MDFIC2: variants seen among roughly 807,000 people sequenced by gnomAD.
MDFIC2 encodes MyoD family inhibitor domain containing 2.
At chr3:70,202,332 G>A (rs1701247982) in intron 3 of MDFIC2, among the ~76,000 whole-genome samples, 1 of 152,156 alleles carries the variant, frequency 6.6e-6, no homozygotes, top group African/African-American at 2.4e-5. Context: ...GTGACTAGTA[G>A]TCTATCTGAC....
intron 2 of MDFIC2, among the ~76,000 whole-genome samples, chr3:70,240,521 T>G (rs1701657185): frequency 6.6e-6 from 1 of 152,268 alleles, no homozygotes. Context: ...CTTCTTACTG[T>G]GAAAATCCTT....
intron 2 of MDFIC2, among the ~76,000 whole-genome samples, chr3:70,293,405 A>G (rs1702258564): frequency 6.6e-6 from 1 of 152,184 alleles, no homozygotes; most frequent in Non-Finnish European, 1.5e-5. Context: ...AGCCAAGGAT[A>G]CTTTGTAATA....
At chr3:70,291,473 G>C (rs1702239193) in intron 2 of MDFIC2, among the ~76,000 whole-genome samples, 1 of 152,128 alleles carries the variant, frequency 6.6e-6, no homozygotes, top group Non-Finnish European at 1.5e-5. Flanking sequence ...CTTGTCTATA[G>C]CTCTGTTCTT....
chr3:70,305,193 A>G (rs1229762691), intron 2 of MDFIC2, among the ~76,000 whole-genome samples: 1 of 152,154 alleles, frequency 6.6e-6, no homozygotes, highest in Non-Finnish European at 1.5e-5. Context: ...ACTCATTTAT[A>G]TGACTTACAA....
chr3:70,198,178 A>G (rs1052177998), intron 3 of MDFIC2, among the ~76,000 whole-genome samples: 2 of 152,166 alleles, frequency 1.3e-5, no homozygotes, highest in African/African-American at 4.8e-5. Context: ...AAGATTATTG[A>G]TGATTGAAAG....
In MDFIC2 at chr3:70,298,566, ATCT is replaced by A. The variant is rs140745922; in HGVS notation, c.88+13317_88+13319del. Among the ~76,000 whole-genome samples the A allele has an allele frequency of 4.6e-3, 701 of 152,268 alleles. 4 individuals carry two copies. The highest frequency in any genetic ancestry group is 5.3e-3 in the Non-Finnish European group (358 of 68,010). On this transcript the variant is annotated intron_variant, in intron 2 of 3. Coordinates refer to ENST00000567252, the MANE Select transcript of MDFIC2 (RefSeq NM_001364677.1). The stretch of plus-strand genomic sequence containing the variant: ...GATCTACAGATAAGTTGGCTTCTGA[ATCT>A]TCATCTAATTTCATAACTAAGTCCT...
chr3:70,293,106 A>T (rs989182271), intron 2 of MDFIC2, among the ~76,000 whole-genome samples: 23 of 150,714 alleles, frequency 1.5e-4, no homozygotes, highest in Admixed American at 1.1e-3. Flanking sequence ...AAGAAAATTC[A>T]GTATTCACCA....
chr3:70,312,008 C>A (rs1025653549), intron 1 of MDFIC2, 35 bp from the exon 2 acceptor site: 8 of 397,172 alleles, frequency 2.0e-5, no homozygotes, highest in Admixed American at 8.8e-5. Context: ...ATAAAAAATT[C>A]ATTAAGAACC....
At chr3:70,211,863 TC>T (rs1250969610) in intron 2 of MDFIC2, among the ~76,000 whole-genome samples, 3 of 148,498 alleles carry the variant, frequency 2.0e-5, no homozygotes, top group Non-Finnish European at 4.5e-5. Context: ...TGCTTTTCTT[TC>T]TCCCTTCCCT....
At chr3:70,302,738 G>A (rs1175704378) in intron 2 of MDFIC2, 5 of 152,100 alleles carry the variant, frequency 3.3e-5, no homozygotes, top group South Asian at 2.1e-4. Context: ...ATCATTGAAC[G>A]AGAGTCTCTA....
intron 2 of MDFIC2, among the ~76,000 whole-genome samples, chr3:70,288,465 AACTTT>A (rs1471724797): frequency 1.3e-5 from 2 of 150,960 alleles, no homozygotes; most frequent in Non-Finnish European, 2.9e-5. Context: ...TGCTGAGGAG[AACTTT>A]ACTTCCAAGT....
chr3:70,198,228 A>G (rs1701200522), intron 3 of MDFIC2, among the ~76,000 whole-genome samples: 1 of 152,182 alleles, frequency 6.6e-6, no homozygotes, highest in African/African-American at 2.4e-5. Context: ...TTTCTCCTCT[A>G]GATGGGCTTA....
intron 2 of MDFIC2, among the ~76,000 whole-genome samples, chr3:70,272,666 TA>T (rs1188352317): frequency 6.6e-6 from 1 of 152,202 alleles, no homozygotes; most frequent in Non-Finnish European, 1.5e-5. Context: ...TTTAACTTTA[TA>T]AAAAACTGCT....
At chr3:70,225,956 G>A (rs1042997766) in intron 2 of MDFIC2, among the ~76,000 whole-genome samples, 1 of 152,032 alleles carries the variant, frequency 6.6e-6, no homozygotes, top group Non-Finnish European at 1.5e-5. Context: ...TGATGCTTAC[G>A]TCATTAACAA....
intron 3 of MDFIC2, among the ~76,000 whole-genome samples, chr3:70,200,209 C>T (rs371016254): frequency 3.3e-5 from 5 of 152,330 alleles, no homozygotes; most frequent in Admixed American, 2.0e-4. Flanking sequence ...CAATAGCCTC[C>T]TGGCAAGGAC....
At chr3:70,270,823 G>A (rs1701968915) in intron 2 of MDFIC2, among the ~76,000 whole-genome samples, 1 of 152,052 alleles carries the variant, frequency 6.6e-6, no homozygotes, top group Admixed American at 6.6e-5. Context: ...TCATAAGTGG[G>A]AGTTGAGCAA....
intron 2 of MDFIC2, among the ~76,000 whole-genome samples, chr3:70,285,460 T>A (rs1353949818): frequency 5.9e-5 from 9 of 152,082 alleles, no homozygotes; most frequent in Admixed American, 6.6e-5. Context: ...TCTATCATTG[T>A]TGGACATTTG....
chr3:70,254,079 T>C, intron 2 of MDFIC2, among the ~76,000 whole-genome samples: 1 of 152,290 alleles, frequency 6.6e-6, no homozygotes, highest in East Asian at 1.9e-4. Context: ...GGCATATTTA[T>C]ATTTTTAATA....
chr3:70,264,299 A>G (rs111758303), intron 2 of MDFIC2, among the ~76,000 whole-genome samples: 82 of 152,282 alleles, frequency 5.4e-4, no homozygotes, highest in African/African-American at 1.9e-3. Context: ...TACTTTTGCA[A>G]TTTGCCACAA....
Sources: allele counts gnomAD v4.1 joint callset (sites outside exome capture counted in the v4.1 genomes callset), GRCh38; gene constraint gnomAD v4.1.1; transcripts MANE v1.5; gene names NCBI Gene and HGNC (gene_info 2026-07-23, HGNC 2026-07-21).